The following FBXO16 variants were observed in gnomAD, a reference collection of about 807,000 sequenced individuals.
FBXO16 encodes the protein F-box protein 16.
Under a neutral mutation model 41.0 loss-of-function variants are expected in FBXO16, and 31 were observed. That is an observed-to-expected ratio of 0.76 (90% confidence interval 0.57 to 1.02). FBXO16 has a LOEUF of 1.02. FBXO16 is among the 50% of genes least tolerant of loss of function. The pLI is 0.00. For missense variants in FBXO16, 361 were observed against 346.2 expected, an observed-to-expected ratio of 1.04 and a Z score of -0.34; for synonymous variants, 133 against 117.8, an observed-to-expected ratio of 1.13 and a Z score of -0.84.
chr8:28,433,295 T>G (rs961583606), intron 7 of FBXO16, among the ~76,000 whole-genome samples: 2 of 152,196 alleles, frequency 1.3e-5, no homozygotes, highest in African/African-American at 4.8e-5. Flanking sequence ...TGCAATGCCA[T>G]GCGTTTGACA....
At chr8:28,456,702 C>T in intron 5 of FBXO16, 64 bp downstream of exon 5, 1 of 1,565,208 alleles carries the variant, frequency 6.4e-7, no homozygotes, top group Non-Finnish European at 8.7e-7. Context: ...ATCCTTTATT[C>T]TTAGTTCTAG....
At position 28,483,468 on chromosome 8, in the gene FBXO16, A is replaced by C. The variant is rs1200035549; in HGVS notation, c.-16-6T>G. The stretch of plus-strand genomic sequence containing the variant: ...TCATGAAACAACTGGATATCCTTCC[A>C]TAAGAAAAACAACACCTATCAGAAG... On this transcript the variant is annotated splice_region_variant and splice_polypyrimidine_tract_variant and intron_variant, in intron 1 of 8. Coordinates refer to ENST00000380254, the MANE Select transcript of FBXO16 (RefSeq NM_172366.4). The C allele has an allele frequency of 1.3e-6, 2 of 1,595,702 alleles. No individual in the cohort carries two copies. Among genetic ancestry groups the C allele is most frequent in the Non-Finnish European group, 1.7e-6 (2 of 1,165,710 alleles).
rs2130180573 is a variant in FBXO16 at position 28,473,406 on chromosome 8, G to A, written c.135+366C>T. Among the ~76,000 whole-genome samples the A allele has an allele frequency of 1.3e-5, 2 of 152,260 alleles. 1 individual carries two copies. Reference sequence around the variant, plus strand: ...CAACCCCCCAGTGTGATGGGATTAGGAGGTGGGGTCTTTGTGAAGTGATTA... The same window carrying A: ...CAACCCCCCAGTGTGATGGGATTAGAAGGTGGGGTCTTTGTGAAGTGATTA... On this transcript the variant is annotated intron_variant, in intron 3 of 8. Coordinates refer to ENST00000380254, the MANE Select transcript of FBXO16 (RefSeq NM_172366.4).
At chr8:28,451,387 T>G (rs961587350) in intron 6 of FBXO16, among the ~76,000 whole-genome samples, 48 of 151,542 alleles carry the variant, frequency 3.2e-4, no homozygotes, top group Middle Eastern at 3.4e-3. Flanking sequence ...GTTGTTTTTT[T>G]TTTTTTTGTT....
At chr8:28,433,918 TACCAGCTTG>T (rs1011032529) in intron 7 of FBXO16, among the ~76,000 whole-genome samples, 1 of 151,248 alleles carries the variant, frequency 6.6e-6, no homozygotes, top group African/African-American at 2.4e-5. Flanking sequence ...AGCCTGTATA[TACCAGCTTG>T]TCTACAGACC....
chr8:28,440,191 C>A (rs1330356463), intron 7 of FBXO16, among the ~76,000 whole-genome samples: 1 of 152,102 alleles, frequency 6.6e-6, no homozygotes, highest in Non-Finnish European at 1.5e-5. Flanking sequence ...CCCCCTTAAC[C>A]TCCTGGGCTC....
chr8:28,458,519 T>A (rs989924581), intron 4 of FBXO16, among the ~76,000 whole-genome samples: 2 of 151,446 alleles, frequency 1.3e-5, no homozygotes, highest in Admixed American at 1.3e-4. Context: ...TCAATTCTCA[T>A]TCCTTTTCTC....
At chr8:28,434,539 C>T (rs1802658283) in intron 7 of FBXO16, among the ~76,000 whole-genome samples, 1 of 152,246 alleles carries the variant, frequency 6.6e-6, no homozygotes. Context: ...TTCATTTCTT[C>T]TTCACAACAT....
chr8:28,450,018 C>T (rs1802928328), intron 6 of FBXO16, among the ~76,000 whole-genome samples: 1 of 150,176 alleles, frequency 6.7e-6, no homozygotes, highest in Non-Finnish European at 1.5e-5. Context: ...GCATAAACGT[C>T]CCAAAAGAAG....
chr8:28,432,536 A>G lies in FBXO16; in HGVS notation c.844-3133T>C, dbSNP rs116307614. 2.4e-3 allele frequency among the ~76,000 whole-genome samples: 367 copies of G among 152,228 alleles called. 3 individuals are homozygous for G. The highest frequency in any genetic ancestry group is 8.3e-3 in the African/African-American group (343 of 41,544). Reference sequence around the variant, plus strand: ...AAAAACCCAAATTAATACAGGAAGAACTTCCCTAGTCTTTCAATGGCTGTA... The same window carrying G: ...AAAAACCCAAATTAATACAGGAAGAGCTTCCCTAGTCTTTCAATGGCTGTA... On this transcript the variant is annotated intron_variant, in intron 7 of 8. Transcript: ENST00000380254.
At chr8:28,483,046 G>A (rs1037451163) in intron 2 of FBXO16, among the ~76,000 whole-genome samples, 11 of 152,162 alleles carry the variant, frequency 7.2e-5, no homozygotes, top group Admixed American at 5.9e-4. Context: ...CTCAGTCCTG[G>A]TGGTTCCAGG....
intron 1 of FBXO16, 40 bp from the exon 2 acceptor site, chr8:28,483,502 CA>C: frequency 6.8e-7 from 1 of 1,477,452 alleles, no homozygotes. Context: ...AGAAGTGAAT[CA>C]TATAACCCTC....
chr8:28,462,277 CTTTTTT>C (rs377494554), intron 4 of FBXO16, among the ~76,000 whole-genome samples: 1 of 133,556 alleles, frequency 7.5e-6, no homozygotes, highest in Non-Finnish European at 1.6e-5. Flanking sequence ...TCTTCTTCTT[CTTTTTT>C]TTTTTTTTTT....
intron 3 of FBXO16, among the ~76,000 whole-genome samples, chr8:28,470,165 G>A (rs1056751735): frequency 6.6e-5 from 10 of 151,946 alleles, no homozygotes; most frequent in Non-Finnish European, 1.2e-4. Flanking sequence ...CTGCACTCCA[G>A]CCTGGGCGAC....
At chr8:28,489,715 AC>A (rs1274311045) in intron 1 of FBXO16, among the ~76,000 whole-genome samples, 1 of 134,510 alleles carries the variant, frequency 7.4e-6, no homozygotes, top group Non-Finnish European at 1.7e-5. Context: ...ACAAAAACCA[AC>A]AAAAAAAAAA....
rs113779780 is a variant in FBXO16, at chr8:28,452,121, C to T, written c.740+123G>A. Reference sequence around the variant, plus strand: ...CAGTATCCTGCTCTATTACTTTTTGCTTCTATGTACTGAAAAGCTTTTGTA... The same window carrying T: ...CAGTATCCTGCTCTATTACTTTTTGTTTCTATGTACTGAAAAGCTTTTGTA... On this transcript the variant is annotated intron_variant, in intron 6 of 8. Coordinates refer to ENST00000380254, the MANE Select transcript of FBXO16 (RefSeq NM_172366.4). The T allele has an allele frequency of 5.5e-5, 50 of 911,800 alleles. No homozygotes were observed. In the African/African-American group the frequency reaches 5.6e-4, roughly 10 times the overall value. 56.5% of individuals were successfully genotyped at this position (911,800 alleles called of 1,614,324 possible). A position where few individuals can be genotyped will look rare whatever the true frequency, so the allele number is the denominator to read the frequency against.
At position 28,435,656 on chromosome 8, in the gene FBXO16, G is replaced by A. The variant is rs180866064; in HGVS notation, c.844-6253C>T. 1.1e-4 allele frequency among the ~76,000 whole-genome samples: 16 copies of A among 152,248 alleles called. No individual in the cohort carries two copies. In the East Asian group the frequency reaches 3.1e-3, roughly 29 times the overall value. ...ATTGGTTTGTGAGTATACAGAAAAG[G>A]TTAAAGCAAAGACACCATTCAAAGG... is the stretch of plus-strand genomic sequence containing the variant. On this transcript the variant is annotated intron_variant, in intron 7 of 8. Coordinates refer to ENST00000380254, the MANE Select transcript of FBXO16 (RefSeq NM_172366.4).
At chr8:28,464,380 G>A (rs1370165676) in intron 3 of FBXO16, among the ~76,000 whole-genome samples, 1 of 152,204 alleles carries the variant, frequency 6.6e-6, no homozygotes, top group Non-Finnish European at 1.5e-5. Context: ...AAGGAAGCCA[G>A]GGTATGTCCA....
chr8:28,483,599 A>G, intron 1 of FBXO16, 137 bp from the exon 2 acceptor site: 1 of 589,748 alleles, frequency 1.7e-6, no homozygotes, highest in Non-Finnish European at 3.0e-6. Flanking sequence ...TGGGCGGATC[A>G]CTTGAGGTCA....
Sources: allele counts gnomAD v4.1 joint callset (sites outside exome capture counted in the v4.1 genomes callset), GRCh38; gene constraint gnomAD v4.1.1; transcripts MANE v1.5; gene names NCBI Gene and HGNC (gene_info 2026-07-23, HGNC 2026-07-21).